Variants in USP39 observed in about 807,000 individuals in gnomAD.
The protein encoded by USP39 is ubiquitin carboxyl-terminal hydrolase 39.
Under a neutral mutation model 66.4 loss-of-function variants are expected in USP39, and 38 were observed. The ratio of observed to expected loss-of-function variants is 0.57; its 90% CI spans 0.44 to 0.75. USP39 has a LOEUF of 0.75. Ranked by LOEUF, USP39 falls within the 30% of genes least tolerant of loss-of-function variation. The probability of loss-of-function intolerance (pLI) is 0.00; values close to 1 mark genes in which losing one functional copy is unlikely to be tolerated. For synonymous variants in USP39, 303 were observed against 274.6 expected, an observed-to-expected ratio of 1.10 and a Z score of -1.02; for missense variants, 608 against 714.4, an observed-to-expected ratio of 0.85 and a Z score of 1.70.
At chr2:85,608,812 C>A, upstream of USP39, 1 of 1,216,488 alleles carries the variant, frequency 8.2e-7, no homozygotes, top group Non-Finnish European at 1.1e-6. Flanking sequence ...AGTCCTGCAA[C>A]ACCCTATGGA....
chr2:85,634,947 C>T (rs996225583), intron 6 of USP39, among the ~76,000 whole-genome samples: 4 of 152,128 alleles, frequency 2.6e-5, no homozygotes, highest in East Asian at 1.9e-4. Context: ...TGAGAATCAA[C>T]GTGTCTAGTT....
chr2:85,641,215 G>T, intron 10 of USP39, 97 bp downstream of exon 10: 1 of 1,474,678 alleles, frequency 6.8e-7, no homozygotes, highest in South Asian at 1.2e-5. Flanking sequence ...TCTTAGTTGG[G>T]GATTACAAGG....
At chr2:85,630,621 G>A in intron 5 of USP39, 100 bp from the exon 6 acceptor site, 1 of 1,168,380 alleles carries the variant, frequency 8.6e-7, no homozygotes, top group South Asian at 1.5e-5. Context: ...GGCCATCACA[G>A]GCACATCACA....
intron 5 of USP39, among the ~76,000 whole-genome samples, chr2:85,626,304 A>T (rs925024559): frequency 6.6e-6 from 1 of 152,188 alleles, no homozygotes; most frequent in Non-Finnish European, 1.5e-5. Flanking sequence ...GGTTGCAGTG[A>T]GCTGAGATCA....
chr2:85,622,419 G>A (rs1441221879), intron 3 of USP39, among the ~76,000 whole-genome samples: 9 of 151,692 alleles, frequency 5.9e-5, no homozygotes, highest in African/African-American at 1.7e-4. Context: ...CACCGTGCAC[G>A]GCCACATTTT....
In USP39 at chr2:85,630,771, T is replaced by C; in HGVS notation, c.774T>C (p.Asn258=). The C allele has an allele frequency of 6.2e-7, 1 of 1,614,170 alleles. No individual in the cohort carries two copies. The highest frequency in any genetic ancestry group is 8.5e-7 in the Non-Finnish European group (1 of 1,180,028). Residue 258 remains asparagine (N), a synonymous_variant, in exon 6 of 13, where the codon AAT becomes AAC. Coordinates refer to ENST00000323701, the MANE Select transcript of USP39 (RefSeq NM_006590.4). ...GGAACTACTTTCTGGAAGAAGACAA[T>C]TATAAGAACATCAAACGTCCTCCAG... The part of the protein sequence containing the change: ...PLRNYFLEED[N]YKNIKRPPGD...
At chr2:85,611,611 G>A (rs751237007), upstream of USP39, 1 of 1,557,646 alleles carries the variant, frequency 6.4e-7, no homozygotes, top group East Asian at 2.4e-5. Context: ...ATAGAGAAGG[G>A]GAGTGCGTTG....
At chr2:85,626,189 A>C (rs1211113843) in intron 5 of USP39, among the ~76,000 whole-genome samples, 1 of 151,976 alleles carries the variant, frequency 6.6e-6, no homozygotes, top group Non-Finnish European at 1.5e-5. Flanking sequence ...GAGAAACCCC[A>C]TCTCTACTAA....
intron 11 of USP39, chr2:85,645,723 A>G (rs1389957414): frequency 6.6e-6 from 1 of 152,270 alleles, no homozygotes; most frequent in Non-Finnish European, 1.5e-5. Context: ...ATCTGACCCT[A>G]AACATCAGTC....
upstream of USP39, chr2:85,612,378 A>G (rs1183104641): frequency 7.2e-6 from 11 of 1,535,384 alleles, no homozygotes; most frequent in Admixed American, 2.0e-5. Context: ...ATGCTGTGCA[A>G]TCCATCGCCA....
chr2:85,640,578 C>T (rs1177766393), intron 9 of USP39, among the ~76,000 whole-genome samples: 8 of 150,838 alleles, frequency 5.3e-5, no homozygotes, highest in South Asian at 2.1e-4. Context: ...CATGAGCCAC[C>T]GTGCCTGGTT....
chr2:85,634,546 C>T (rs750370343), intron 6 of USP39, among the ~76,000 whole-genome samples: 3 of 152,180 alleles, frequency 2.0e-5, no homozygotes, highest in Non-Finnish European at 4.4e-5. Context: ...TGCACTCCAG[C>T]CTGGGTGACA....
intron 8 of USP39, among the ~76,000 whole-genome samples, chr2:85,638,222 A>G (rs1180800998): frequency 1.3e-5 from 2 of 148,510 alleles, no homozygotes; most frequent in Non-Finnish European, 3.0e-5. Flanking sequence ...AGGTTTTACC[A>G]TGTTGGTCAG....
At chr2:85,609,616 GA>G (rs750340660), upstream of USP39, 7 of 1,613,012 alleles carry the variant, frequency 4.3e-6, no homozygotes, top group South Asian at 4.4e-5. Flanking sequence ...TAAGAAAGAA[GA>G]GGGGGGGTGC....
At chr2:85,631,264 C>T (rs1003828318) in intron 6 of USP39, among the ~76,000 whole-genome samples, 2 of 151,462 alleles carry the variant, frequency 1.3e-5, no homozygotes, top group African/African-American at 4.9e-5. Context: ...CCACCCTACT[C>T]GGCCTCCCAA....
At chr2:85,616,079 C>T (rs943592262), upstream of USP39, 173 of 1,312,100 alleles carry the variant, frequency 1.3e-4, no homozygotes, top group Non-Finnish European at 1.6e-4. Context: ...TGATTTGTCC[C>T]CAGTGGCGAC....
upstream of USP39, chr2:85,612,305 A>G (rs747531914): frequency 1.0e-5 from 16 of 1,535,720 alleles, no homozygotes; most frequent in South Asian, 1.8e-4. Flanking sequence ...GAAAAATGCA[A>G]ATCATCTATA....
intron 1 of USP39, among the ~76,000 whole-genome samples, chr2:85,603,480 A>C (rs1396894478): frequency 6.6e-6 from 1 of 152,180 alleles, no homozygotes; most frequent in Non-Finnish European, 1.5e-5. Flanking sequence ...GACCCGGAGG[A>C]ATCTGGGAAA....
In USP39 at chr2:85,648,706, G is replaced by T. The variant is rs376695185; in HGVS notation, c.1651-55G>T. The T allele has an allele frequency of 4.4e-6, 7 of 1,589,938 alleles. No homozygotes were observed. In the East Asian group the frequency reaches 1.3e-4, roughly 30 times the overall value. On this transcript the variant is annotated intron_variant, in intron 12 of 12. Transcript: ENST00000323701. ...CTGGCACAGAATAGGTATTTGATAA[G>T]TGTCTGTTGACTGAATGCCTCCTAG...
Sources: gnomAD v4.1 joint callset for allele counts (sites outside exome capture counted in the v4.1 genomes callset) on GRCh38, gnomAD v4.1.1 for gene constraint, MANE v1.5 for transcripts, NCBI Gene and HGNC (gene_info 2026-07-23, HGNC 2026-07-21) for gene names.